The following RANBP2 variants were observed in gnomAD, a reference collection of about 807,000 sequenced individuals.
RANBP2 encodes RAN binding protein 2.
In RANBP2, 57 loss-of-function variants were observed where a neutral mutation model predicts 303.6. That is an observed-to-expected ratio of 0.19 (90% CI 0.15 to 0.23). The LOEUF (loss-of-function observed/expected upper bound fraction) is 0.23, where lower values mean the gene tolerates loss of function less well. Ranked by LOEUF, RANBP2 falls within the 10% of genes least tolerant of loss-of-function variation. RANBP2 has a pLI of 1.00. For synonymous variants in RANBP2, 1,167 were observed against 1,301.5 expected (o/e 0.90, Z 2.23); for missense variants, 3,138 against 3,780.8 (o/e 0.83, Z 4.46).
chr2:109,052,143 G>A, the RANBP2 span, among the ~76,000 whole-genome samples: 1 of 152,292 alleles, frequency 6.6e-6, no homozygotes, highest in African/African-American at 2.4e-5. Flanking sequence ...ATGAAAGAAG[G>A]CATGTATATC....
Position 108,764,292 on chromosome 2 carries a change from T to C in RANBP2, c.3753T>C (p.Asp1251=), listed in dbSNP as rs749403417. 1.1e-5 allele frequency: 18 copies of C among 1,613,778 alleles called. No homozygotes were observed. The South Asian group carries it at 1.5e-4, about 14-fold the overall frequency. The change falls in exon 20 of 29, where the codon GAT becomes GAC. Residue 1251 remains aspartate (D), a synonymous_variant. Coordinates refer to ENST00000283195, the MANE Select transcript of RANBP2 (RefSeq NM_006267.5). ...KICANHYISP[D]MKLTPNAGSD... ...GTGCAAATCATTACATCAGTCCAGA[T>C]ATGAAATTGACACCAAATGCTGGAT...
the RANBP2 span, among the ~76,000 whole-genome samples, chr2:109,636,962 C>T: frequency 2.3e-5 from 3 of 133,296 alleles, no homozygotes; most frequent in African/African-American, 5.4e-5. Context: ...AGGGGACCAG[C>T]GCTCAGCATA....
chr2:109,104,921 G>A, the RANBP2 span, among the ~76,000 whole-genome samples: 1 of 152,212 alleles, frequency 6.6e-6, no homozygotes, highest in Non-Finnish European at 1.5e-5. Flanking sequence ...ACTGCATGAG[G>A]GAGGCACTGT....
the RANBP2 span, among the ~76,000 whole-genome samples, chr2:108,944,813 A>G: frequency 1.3e-5 from 2 of 152,122 alleles, no homozygotes; most frequent in African/African-American, 4.8e-5. Context: ...TGAGCCAGAG[A>G]GCTGACCGCA....
At chr2:109,536,055 G>T in the RANBP2 span, among the ~76,000 whole-genome samples, 5 of 132,964 alleles carry the variant, frequency 3.8e-5, no homozygotes, top group Admixed American at 7.6e-5. Flanking sequence ...GTGGGGGTGG[G>T]GGGGGGGTCT....
the RANBP2 span, among the ~76,000 whole-genome samples, chr2:109,655,509 C>T: frequency 6.6e-6 from 1 of 152,102 alleles, no homozygotes; most frequent in Non-Finnish European, 1.5e-5. Flanking sequence ...GGGGAGCAAA[C>T]TTGGAGGGGC....
At chr2:109,626,366 G>A in the RANBP2 span, among the ~76,000 whole-genome samples, 2 of 152,180 alleles carry the variant, frequency 1.3e-5, no homozygotes, top group Admixed American at 6.5e-5. Flanking sequence ...CTACTCGGGA[G>A]GATGAGGCAG....
the RANBP2 span, among the ~76,000 whole-genome samples, chr2:109,025,131 G>T: frequency 6.6e-6 from 1 of 152,084 alleles, no homozygotes; most frequent in Non-Finnish European, 1.5e-5. Context: ...TTTGTGACTG[G>T]CTTGTTTCAC....
chr2:109,107,497 C>T, the RANBP2 span, among the ~76,000 whole-genome samples: 2 of 152,130 alleles, frequency 1.3e-5, no homozygotes, highest in South Asian at 4.1e-4. Flanking sequence ...TGATGACATG[C>T]CTCTGCCATA....
intron 4 of RANBP2, among the ~76,000 whole-genome samples, chr2:108,734,167 G>C (rs1237571210): frequency 9.9e-5 from 15 of 151,726 alleles, no homozygotes; most frequent in South Asian, 8.4e-4. Flanking sequence ...ATACAGAGTA[G>C]TAATGGGCGG....
chr2:109,601,301 A>C, the RANBP2 span, among the ~76,000 whole-genome samples: 1 of 152,212 alleles, frequency 6.6e-6, no homozygotes, highest in African/African-American at 2.4e-5. Context: ...AAAAGACATC[A>C]CTTTGGAAGT....
At chr2:108,989,531 T>A in the RANBP2 span, among the ~76,000 whole-genome samples, 1 of 152,182 alleles carries the variant, frequency 6.6e-6, no homozygotes. Flanking sequence ...GACCCCCCAC[T>A]GAGATGGCTA....
chr2:109,732,995 C>T, the RANBP2 span: 3 of 587,668 alleles, frequency 5.1e-6, no homozygotes, highest in South Asian at 1.4e-5. Flanking sequence ...GGGTCATCGT[C>T]CTTGAGATGA....
At chr2:109,655,935 T>C in the RANBP2 span, among the ~76,000 whole-genome samples, 2 of 152,200 alleles carry the variant, frequency 1.3e-5, no homozygotes, top group Non-Finnish European at 2.9e-5. Flanking sequence ...TTTGCCTCAG[T>C]TTCCTCAACT....
At chr2:109,157,424 C>T in the RANBP2 span, among the ~76,000 whole-genome samples, 1,507 of 152,238 alleles carry the variant, frequency 9.9e-3, 21 homozygotes, top group African/African-American at 0.035. Context: ...TGTAATGTTG[C>T]CTTGAATATA....
At position 108,763,386 on chromosome 2, in the gene RANBP2, T is replaced by C; in HGVS notation, c.2847T>C (p.Pro949=). 1.2e-6 allele frequency: 2 copies of C among 1,614,012 alleles called. No individual in the cohort carries two copies. The highest frequency in any genetic ancestry group is 1.7e-6 in the Non-Finnish European group (2 of 1,179,974). The part of the protein sequence containing the change: ...YGPPALRFES[P]ATGILSPRGD... ...CTCCTGCATTGCGTTTTGAGTCTCC[T>C]GCAACGGGAATTCTATCGCCCAGGG... Residue 949 remains proline (P), a synonymous_variant, in exon 20 of 29, where the codon CCT becomes CCC. Coordinates refer to ENST00000283195, the MANE Select transcript of RANBP2 (RefSeq NM_006267.5).
the RANBP2 span, among the ~76,000 whole-genome samples, chr2:109,170,774 C>G: frequency 6.6e-6 from 1 of 152,172 alleles, no homozygotes; most frequent in Non-Finnish European, 1.5e-5. Context: ...TGCGGATGAC[C>G]CATCTGTTTC....
the RANBP2 span, among the ~76,000 whole-genome samples, chr2:109,387,972 T>C: frequency 2.9e-4 from 44 of 152,158 alleles, no homozygotes; most frequent in African/African-American, 1.0e-3. Flanking sequence ...CCCACACCAA[T>C]TCCAGGGACT....
intron 23 of RANBP2, 116 bp from the exon 24 acceptor site, chr2:108,775,616 T>C (rs1037958388): frequency 3.2e-5 from 33 of 1,041,312 alleles, no homozygotes; most frequent in Non-Finnish European, 4.4e-5. Context: ...GTGAAGTGTG[T>C]TTATTCTATC....
Sources: allele counts gnomAD v4.1 joint callset (sites outside exome capture counted in the v4.1 genomes callset), GRCh38; gene constraint gnomAD v4.1.1; transcripts MANE v1.5; gene names NCBI Gene and HGNC (gene_info 2026-07-23, HGNC 2026-07-21).